The following NLN variants were observed in gnomAD, a reference collection of about 807,000 sequenced individuals.
NLN encodes the protein neurolysin, mitochondrial.
In NLN, 64 loss-of-function variants were observed where a neutral mutation model predicts 79.9. The ratio of observed to expected loss-of-function variants is 0.80; its 90% CI spans 0.65 to 0.99. NLN has a LOEUF of 0.99. Ranked by LOEUF, NLN falls within the 50% of genes least tolerant of loss-of-function variation. The pLI is 0.00. For synonymous variants in NLN, 267 were observed against 296.6 expected (o/e 0.90, Z 1.02); for missense variants, 835 against 858.7 (o/e 0.97, Z 0.34).
At chr5:65,765,678 C>G (rs114989954) in intron 3 of NLN, among the ~76,000 whole-genome samples, 6,037 of 151,144 alleles carry the variant, frequency 0.04, 163 homozygotes, top group Middle Eastern at 0.065. Context: ...CACTGTACTC[C>G]AGCCTGAGTC....
chr5:65,777,972 A>G (rs1185130781), intron 4 of NLN, among the ~76,000 whole-genome samples: 2 of 152,174 alleles, frequency 1.3e-5, no homozygotes, highest in African/African-American at 4.8e-5. Context: ...AACCTTGTAC[A>G]AGTTTTATTT....
chr5:65,782,922 A>G (rs1187139769), intron 6 of NLN, among the ~76,000 whole-genome samples: 1 of 152,218 alleles, frequency 6.6e-6, no homozygotes, highest in African/African-American at 2.4e-5. Flanking sequence ...TGCCCATGGT[A>G]TAATGAGAAC....
At chr5:65,735,162 T>C (rs1168079869) in intron 1 of NLN, among the ~76,000 whole-genome samples, 41 of 152,136 alleles carry the variant, frequency 2.7e-4, no homozygotes, top group Admixed American at 2.7e-3. Flanking sequence ...GCACTTCTCC[T>C]TCCTGCCACC....
chr5:65,753,478 A>G (rs923754060), intron 1 of NLN, among the ~76,000 whole-genome samples: 45 of 152,046 alleles, frequency 3.0e-4, no homozygotes, highest in Admixed American at 2.6e-3. Context: ...GTGAAACCCC[A>G]TCTCTAATAA....
chr5:65,740,113 T>G (rs1032497612), intron 1 of NLN, among the ~76,000 whole-genome samples: 1 of 152,202 alleles, frequency 6.6e-6, no homozygotes, highest in Non-Finnish European at 1.5e-5. Context: ...TCTGTCTTAG[T>G]TCATTTTCTG....
chr5:65,770,418 G>A (rs1408311742), intron 3 of NLN, among the ~76,000 whole-genome samples: 1 of 152,152 alleles, frequency 6.6e-6, no homozygotes, highest in Non-Finnish European at 1.5e-5. Context: ...TGTATGAAAA[G>A]ATGTTCAATT....
At chr5:65,802,752 G>A (rs1475927194) in intron 9 of NLN, among the ~76,000 whole-genome samples, 1 of 152,088 alleles carries the variant, frequency 6.6e-6, no homozygotes, top group Non-Finnish European at 1.5e-5. Context: ...CAACCAGGGT[G>A]TACCAATGTG....
intron 1 of NLN, among the ~76,000 whole-genome samples, chr5:65,727,525 TA>T (rs562726682): frequency 1.7e-4 from 25 of 146,276 alleles, no homozygotes; most frequent in African/African-American, 4.3e-4. Flanking sequence ...GCTAAGGCCT[TA>T]AAAAAAAAAC....
intron 3 of NLN, among the ~76,000 whole-genome samples, chr5:65,767,438 G>T (rs1210278355): frequency 6.6e-6 from 1 of 152,208 alleles, no homozygotes; most frequent in East Asian, 1.9e-4. Context: ...GGGATGCAGG[G>T]CACTATGTCC....
rs1760912956 is a variant in NLN at position 65,826,053 on chromosome 5, C to T, written c.*3138C>T. On this transcript the variant is annotated 3_prime_UTR_variant, in exon 13 of 13. Transcript: ENST00000380985. ...CTGGAAGCTGGGAAGTCCCACAATC[C>T]ACATGCTGGTAAATTTGGTTCGTGG... 6.6e-6 allele frequency: 1 copy of T among 152,196 alleles called. No homozygotes were observed. The highest frequency in any genetic ancestry group is 6.5e-5 in the Admixed American group (1 of 15,274). 9.4% of individuals were successfully genotyped at this position (152,196 alleles called of 1,614,324 possible). A position where few individuals can be genotyped will look rare whatever the true frequency, so the allele number is the denominator to read the frequency against.
At chr5:65,723,922 A>G (rs1054785438) in intron 1 of NLN, among the ~76,000 whole-genome samples, 9 of 150,934 alleles carry the variant, frequency 6.0e-5, no homozygotes, top group Non-Finnish European at 1.5e-5. Flanking sequence ...TGTGTGGTAT[A>G]TCTGTCTATA....
intron 3 of NLN, among the ~76,000 whole-genome samples, chr5:65,769,651 T>C (rs571551059): frequency 7.9e-5 from 12 of 152,362 alleles, no homozygotes; most frequent in African/African-American, 2.9e-4. Flanking sequence ...TCCCTCCCAG[T>C]GTATGACTAC....
rs1285483912 is a variant in NLN, at chr5:65,762,962, G to A, written c.304G>A (p.Glu102Lys). The change falls in exon 3 of 13, where the codon GAA (glutamate) becomes AAA (lysine). Residue 102 changes from glutamate (E) to lysine (K), a missense_variant and splice_region_variant. Coordinates refer to ENST00000380985, the MANE Select transcript of NLN (RefSeq NM_020726.5). ...LADVEVKYIV[E>K]RTMLDFPQHV... ...ATAGTTTTTTTCTCCATCTGCAGTG[G>A]AAAGGACCATGCTAGACTTTCCCCA... 1 of 1,613,502 alleles carries A rather than the reference G, an allele frequency of 6.2e-7. No homozygotes were observed. Among genetic ancestry groups the A allele is most frequent in the Non-Finnish European group, 8.5e-7 (1 of 1,179,758 alleles).
intron 10 of NLN, 61 bp downstream of exon 10, chr5:65,809,762 C>A: frequency 7.8e-7 from 1 of 1,282,664 alleles, no homozygotes; most frequent in South Asian, 1.5e-5. Flanking sequence ...GAATTGCTGT[C>A]ACCTTCTTCT....
intron 9 of NLN, among the ~76,000 whole-genome samples, chr5:65,802,611 G>C (rs1402086332): frequency 6.6e-6 from 1 of 152,214 alleles, no homozygotes; most frequent in African/African-American, 2.4e-5. Context: ...CATTCGGCAG[G>C]TCCCGAGTTC....
rs1227564618 is a variant in NLN, at chr5:65,827,200, C to G, written c.*4285C>G. ...ATGTACACAGCGATGCACACACCCC[C>G]ACACCACACCGTGATTCCTGAGTTT... is the stretch of plus-strand genomic sequence containing the variant. On this transcript the variant is annotated 3_prime_UTR_variant, in exon 13 of 13. Coordinates refer to ENST00000380985, the MANE Select transcript of NLN (RefSeq NM_020726.5). 6.6e-6 allele frequency: 1 copy of G among 152,128 alleles called. No homozygotes were observed. 9.4% of individuals were successfully genotyped at this position (152,128 alleles called of 1,614,324 possible). A position where few individuals can be genotyped will look rare whatever the true frequency, so the allele number is the denominator to read the frequency against.
At chr5:65,790,422 A>G (rs1172681162) in intron 8 of NLN, among the ~76,000 whole-genome samples, 3 of 152,252 alleles carry the variant, frequency 2.0e-5, no homozygotes, top group African/African-American at 4.8e-5. Context: ...ACAGTTCTGC[A>G]GGGCTGGGGA....
intron 12 of NLN, among the ~76,000 whole-genome samples, chr5:65,817,742 A>T (rs750689921): frequency 1.6e-4 from 24 of 152,232 alleles, no homozygotes; most frequent in Non-Finnish European, 1.6e-4. Context: ...GCCATAAGGA[A>T]GGAGCTACAT....
intron 1 of NLN, among the ~76,000 whole-genome samples, chr5:65,742,254 A>T (rs1579915442): frequency 6.9e-6 from 1 of 144,940 alleles, no homozygotes; most frequent in African/African-American, 2.6e-5. Flanking sequence ...AAGAGTTGAA[A>T]ATAATCATTG....
Sources: allele counts gnomAD v4.1 joint callset (sites outside exome capture counted in the v4.1 genomes callset), GRCh38; gene constraint gnomAD v4.1.1; transcripts MANE v1.5; gene names NCBI Gene and HGNC (gene_info 2026-07-23, HGNC 2026-07-21).